ARHGEF17: variants seen among roughly 807,000 people sequenced by gnomAD.
ARHGEF17 encodes the protein Rho guanine nucleotide exchange factor 17, also known as 164 kDa Rho-specific guanine-nucleotide exchange factor.
Under a neutral mutation model 174.0 loss-of-function variants are expected in ARHGEF17, and 80 were observed. The observed-to-expected ratio is 0.46, with a 90% CI of 0.38 to 0.55. The LOEUF is 0.55. ARHGEF17 is among the 20% of genes least tolerant of loss of function. ARHGEF17 has a pLI of 0.00. For synonymous variants in ARHGEF17, 1,311 were observed against 1,189.1 expected, an observed-to-expected ratio of 1.10 and a Z score of -2.11; for missense variants, 2,886 against 2,839.7, an observed-to-expected ratio of 1.02 and a Z score of -0.37.
In ARHGEF17 at chr11:73,362,417, C is replaced by T. The variant is rs1465989659; in HGVS notation, c.4695-16C>T. ...TGGCTCGTAGCTGCTGTCATCCTCA[C>T]TCCGTCTTCTCGCAGGGAGCCTCCT... On this transcript the variant is annotated splice_polypyrimidine_tract_variant and intron_variant, in intron 13 of 20. Transcript: ENST00000263674. The T allele has an allele frequency of 6.5e-7, 1 of 1,532,808 alleles. No individual in the cohort carries two copies. Among genetic ancestry groups the T allele is most frequent in the South Asian group, 1.2e-5 (1 of 81,032 alleles). 95.0% of individuals were successfully genotyped at this position (1,532,808 alleles called of 1,614,324 possible). A position where few individuals can be genotyped will look rare whatever the true frequency, so the allele number is the denominator to read the frequency against.
intron 20 of ARHGEF17, among the ~76,000 whole-genome samples, chr11:73,366,737 A>G (rs1591766976): frequency 6.6e-6 from 1 of 152,032 alleles, no homozygotes; most frequent in African/African-American, 2.4e-5. Flanking sequence ...CCCTGTCTCA[A>G]AAAAATAAAA....
Position 73,347,129 on chromosome 11 carries a change from G to A in ARHGEF17, c.3270+169G>A, listed in dbSNP as rs528506778. On this transcript the variant is annotated intron_variant, in intron 2 of 20. Transcript: ENST00000263674. The stretch of plus-strand genomic sequence containing the variant: ...CCCCCAGCATGGCCATTCCAGAGAA[G>A]GAGGAAGGCTTCTCCCGGGCAAGAG... The A allele has an allele frequency of 5.4e-6, 4 of 746,352 alleles. No homozygotes were observed. In the East Asian group the frequency reaches 8.1e-5, roughly 15 times the overall value. The allele number at this position is 746,352 out of a possible 1,614,324, so 46.2% of individuals were successfully genotyped here.
At position 73,342,107 on chromosome 11, in the gene ARHGEF17, A is replaced by G. The variant is rs139385086; in HGVS notation, c.3193-4776A>G. 2.2e-3 allele frequency among the ~76,000 whole-genome samples: 338 copies of G among 151,838 alleles called. 4 individuals are homozygous for G. Among genetic ancestry groups the G allele is most frequent in the African/African-American group, 7.6e-3 (313 of 41,378 alleles). On this transcript the variant is annotated intron_variant, in intron 1 of 20. Coordinates refer to ENST00000263674, the MANE Select transcript of ARHGEF17 (RefSeq NM_014786.4). ...GGGTGCACAGTCTAGGTACGGGAGCACAGTCTAGGGGTGGGAGCACAGTCT... is the reference window on the plus strand; with the variant it reads ...GGGTGCACAGTCTAGGTACGGGAGCGCAGTCTAGGGGTGGGAGCACAGTCT...
intron 1 of ARHGEF17, among the ~76,000 whole-genome samples, chr11:73,332,870 G>A (rs972221218): frequency 2.6e-5 from 4 of 152,142 alleles, no homozygotes; most frequent in East Asian, 1.9e-4. Context: ...CCTGCAGAGC[G>A]CTTAGTAAGC....
Position 73,309,857 on chromosome 11 carries a change from A to C in ARHGEF17, c.1219A>C (p.Ser407Arg), listed in dbSNP as rs1864780410. The part of the protein sequence containing the change: ...ETLKDDDLWS[S>R]RGSGGWGVYR... Reference sequence around the variant, plus strand: ...CCTCAAGGACGACGACCTATGGTCTAGTAGGGGTTCTGGGGGCTGGGGCGT... The same window carrying C: ...CCTCAAGGACGACGACCTATGGTCTCGTAGGGGTTCTGGGGGCTGGGGCGT... Residue 407 changes from serine (S) to arginine (R), a missense_variant, in exon 1 of 21, where the codon AGT becomes CGT. Around this residue, in one of 4 missense-constraint regions of ARHGEF17, gnomAD observed 1,728 missense variants for 1,461.2 expected, o/e 1.18. Coordinates refer to ENST00000263674, the MANE Select transcript of ARHGEF17 (RefSeq NM_014786.4). The C allele has an allele frequency of 6.2e-7, 1 of 1,613,174 alleles. No homozygotes were observed. Among genetic ancestry groups the C allele is most frequent in the Non-Finnish European group, 8.5e-7 (1 of 1,180,000 alleles).
intron 1 of ARHGEF17, among the ~76,000 whole-genome samples, chr11:73,329,373 A>ATATATATGTATTTTTT (rs1565193840): frequency 7.6e-5 from 1 of 13,170 alleles, no homozygotes; most frequent in African/African-American, 5.1e-4. Flanking sequence ...ATATATATAT[A>ATATATATGTATTTTTT]TTTTTTTTTT....
intron 1 of ARHGEF17, among the ~76,000 whole-genome samples, chr11:73,339,144 A>G (rs1865330111): frequency 6.6e-6 from 1 of 152,202 alleles, no homozygotes; most frequent in Non-Finnish European, 1.5e-5. Flanking sequence ...CACCACCTGC[A>G]TCATGCTTGC....
intron 1 of ARHGEF17, among the ~76,000 whole-genome samples, chr11:73,343,955 G>T (rs751646851): frequency 5.3e-5 from 8 of 152,222 alleles, no homozygotes; most frequent in Non-Finnish European, 2.9e-5. Flanking sequence ...TCTGTGTGGG[G>T]CGGCTTGCCT....
At chr11:73,350,855 T>C (rs527581265) in intron 2 of ARHGEF17, among the ~76,000 whole-genome samples, 3 of 152,324 alleles carry the variant, frequency 2.0e-5, no homozygotes, top group South Asian at 2.1e-4. Context: ...AATTTACGCA[T>C]TTATCGTGCT....
chr11:73,357,856 G>C (rs1455322555), intron 9 of ARHGEF17, among the ~76,000 whole-genome samples: 4 of 152,190 alleles, frequency 2.6e-5, no homozygotes, highest in African/African-American at 9.6e-5. Flanking sequence ...TCTCACTGCT[G>C]TTAGCTTTCC....
intron 3 of ARHGEF17, among the ~76,000 whole-genome samples, chr11:73,353,517 G>A (rs1865589877): frequency 6.6e-6 from 1 of 152,210 alleles, no homozygotes; most frequent in South Asian, 2.1e-4. Flanking sequence ...TGTTCTAAAT[G>A]TGTTGTATCT....
intron 2 of ARHGEF17, chr11:73,347,215 TC>T: frequency 1.8e-6 from 1 of 560,880 alleles, no homozygotes; most frequent in East Asian, 3.2e-5. Flanking sequence ...TTCTTCCACG[TC>T]CCCCTGGCAA....
At chr11:73,313,989 G>A (rs563613847) in intron 1 of ARHGEF17, among the ~76,000 whole-genome samples, 1 of 152,300 alleles carries the variant, frequency 6.6e-6, no homozygotes, top group African/African-American at 2.4e-5. Flanking sequence ...GGTCCTCGGG[G>A]GCCTCAGTAT....
intron 1 of ARHGEF17, among the ~76,000 whole-genome samples, chr11:73,312,035 T>C (rs928430365): frequency 5.9e-5 from 9 of 152,240 alleles, no homozygotes; most frequent in Admixed American, 2.0e-4. Context: ...AGCTTCAGTT[T>C]TCTGCTGGTG....
Position 73,355,950 on chromosome 11 carries a change from G to A in ARHGEF17, c.3660G>A (p.Val1220=). 1 of 1,614,160 alleles carries A rather than the reference G, an allele frequency of 6.2e-7. No individual in the cohort carries two copies. Among genetic ancestry groups the A allele is most frequent in the Non-Finnish European group, 8.5e-7 (1 of 1,180,028 alleles). ...VQRIPRYELL[V]KDLLKHTPED... ...GGATCCCACGCTACGAGCTTCTGGTGAAGGTGGGCATGGACCTGGGTGGGC... is the reference window on the plus strand; with the variant it reads ...GGATCCCACGCTACGAGCTTCTGGTAAAGGTGGGCATGGACCTGGGTGGGC... The change falls in exon 5 of 21, where the codon GTG becomes GTA. Residue 1220 remains valine (V), a synonymous_variant. Transcript: ENST00000263674.
Position 73,362,659 on chromosome 11 carries a change from G to A in ARHGEF17, c.4921G>A (p.Asp1641Asn), listed in dbSNP as rs749848942. ...GGTGCCCTTTGACAGTGACTCTGACGATGAGTCTTCGCCCAGCCCCTCGGG... is the reference window on the plus strand; with the variant it reads ...GGTGCCCTTTGACAGTGACTCTGACAATGAGTCTTCGCCCAGCCCCTCGGG... ...ELVPFDSDSD[D>N]ESSPSPSGTL... Residue 1641 changes from aspartate (D) to asparagine (N), a missense_variant, in exon 14 of 21, where the codon GAT (aspartate) becomes AAT (asparagine). This residue lies in a region of ARHGEF17 where 476 missense variants were observed against 473.1 expected (regional missense o/e 1.01). Transcript: ENST00000263674. 13 of 1,611,464 alleles carry A rather than the reference G, an allele frequency of 8.1e-6. No homozygotes were observed. Among genetic ancestry groups the A allele is most frequent in the East Asian group, 4.5e-5 (2 of 44,886 alleles).
intron 12 of ARHGEF17, 137 bp downstream of exon 12, chr11:73,361,298 C>T: frequency 2.6e-6 from 2 of 763,458 alleles, no homozygotes; most frequent in Non-Finnish European, 4.4e-6. Context: ...GCTCTCTGTA[C>T]ATGTGTGTGG....
intron 17 of ARHGEF17, 103 bp from the exon 18 acceptor site, chr11:73,364,349 T>A (rs879503924): frequency 1.2e-4 from 185 of 1,601,718 alleles, no homozygotes; most frequent in Non-Finnish European, 1.5e-4. Flanking sequence ...GGGCCTTGGT[T>A]TCTTTGCTTA....
At chr11:73,346,987 G>A in intron 2 of ARHGEF17, 27 bp downstream of exon 2, 2 of 1,585,668 alleles carry the variant, frequency 1.3e-6, no homozygotes, top group Non-Finnish European at 1.7e-6. Flanking sequence ...ACTCCCCTGA[G>A]AATGGCCTTT....
Sources: allele counts gnomAD v4.1 joint callset (sites outside exome capture counted in the v4.1 genomes callset), GRCh38; gene constraint gnomAD v4.1.1; regional missense constraint gnomAD v4.1.1; transcripts MANE v1.5; gene names NCBI Gene and HGNC (gene_info 2026-07-23, HGNC 2026-07-21).